RXYLT1: variants seen among roughly 807,000 people sequenced by gnomAD.
RXYLT1 encodes ribitol-5-phosphate xylosyltransferase 1.
Under a neutral mutation model 43.5 loss-of-function variants are expected in RXYLT1, and 41 were observed. That is an observed-to-expected ratio of 0.94 (90% CI 0.73 to 1.22). The LOEUF (loss-of-function observed/expected upper bound fraction) is 1.22. Among genes scored for constraint, RXYLT1 ranks in the 50% most tolerant of loss-of-function variants. RXYLT1 has a pLI of 0.00. For missense variants in RXYLT1, 514 were observed against 532.0 expected, an observed-to-expected ratio of 0.97 and a Z score of 0.33; for synonymous variants, 166 against 194.4, an observed-to-expected ratio of 0.85 and a Z score of 1.21.
intron 2 of RXYLT1, among the ~76,000 whole-genome samples, chr12:63,783,943 A>G (rs939775741): frequency 7.9e-5 from 12 of 152,150 alleles, no homozygotes; most frequent in African/African-American, 2.9e-4. Flanking sequence ...ATGGCCCCAC[A>G]TCACTCTGAC....
intron 5 of RXYLT1, chr12:63,807,485 T>C (rs1898325132): frequency 6.6e-6 from 1 of 152,230 alleles, no homozygotes; most frequent in Non-Finnish European, 1.5e-5. Context: ...TCTTCTCTCC[T>C]ACACTCTAAC....
rs537667368 is a variant in RXYLT1, at chr12:63,780,167, T to C, written c.169+38T>C. 10 of 1,424,542 alleles carry C rather than the reference T, an allele frequency of 7.0e-6. No homozygotes were observed. In the African/African-American group the frequency reaches 1.1e-4, roughly 15 times the overall value. The allele number at this position is 1,424,542 out of a possible 1,614,324, so 88.2% of individuals were successfully genotyped here. On this transcript the variant is annotated intron_variant, in intron 1 of 5. Coordinates refer to ENST00000261234, the MANE Select transcript of RXYLT1 (RefSeq NM_014254.3). ...CGGCGGCTTCCTTCCGGCTCTGCGC[T>C]CCTGGCTGGGGCTGCTGGGCGGCTG...
intron 2 of RXYLT1, chr12:63,782,666 C>G: frequency 2.2e-6 from 1 of 455,664 alleles, no homozygotes; most frequent in East Asian, 7.0e-5. Context: ...GTAATCCCAT[C>G]TCCATTTCTG....
At chr12:63,796,989 A>C (rs1592850264) in intron 3 of RXYLT1, among the ~76,000 whole-genome samples, 2 of 140,524 alleles carry the variant, frequency 1.4e-5, no homozygotes, top group East Asian at 4.1e-4. Context: ...TTTGTGACAG[A>C]GTCTTGCTCT....
Position 63,780,072 on chromosome 12 carries a change from G to C in RXYLT1, c.112G>C (p.Gly38Arg), listed in dbSNP as rs774043601. Residue 38 changes from glycine to arginine, a missense_variant, in exon 1 of 6, where the codon GGG becomes CGG. By Grantham distance (125) the Gly-to-Arg change is moderately radical. Coordinates refer to ENST00000261234, the MANE Select transcript of RXYLT1 (RefSeq NM_014254.3). ...CGGGCGCCGCCGCCAGGCGCCGGCC[G>C]GGTCCCCGCGGGGCCTCAGGAAGGG... Reference protein sequence around the residue: ...FFGRRRQAPAGSPRGLRKGAA... With the variant: ...FFGRRRQAPARSPRGLRKGAA... 6.3e-7 allele frequency: 1 copy of C among 1,598,044 alleles called. No individual in the cohort carries two copies. The highest frequency in any genetic ancestry group is 1.7e-5 in the Admixed American group (1 of 58,940).
intron 3 of RXYLT1, among the ~76,000 whole-genome samples, chr12:63,792,520 C>T (rs925305472): frequency 6.6e-6 from 1 of 152,206 alleles, no homozygotes; most frequent in Non-Finnish European, 1.5e-5. Flanking sequence ...GGGCTTCCAG[C>T]CTGGCAGAGT....
At chr12:63,808,626 CTA>C in intron 5 of RXYLT1, 47 bp from the exon 6 acceptor site, 1 of 1,566,518 alleles carries the variant, frequency 6.4e-7, no homozygotes, top group Non-Finnish European at 8.6e-7. Flanking sequence ...TGTTCACAAA[CTA>C]TATACTTAGT....
In RXYLT1 at chr12:63,808,553, C is replaced by T. The variant is rs951539922; in HGVS notation, c.915-122C>T. ...CCAGGATTTTGGATATCTCTTATGCCTATCATCTCTATAAAGTTTCACCAT... is the reference window on the plus strand; with the variant it reads ...CCAGGATTTTGGATATCTCTTATGCTTATCATCTCTATAAAGTTTCACCAT... On this transcript the variant is annotated intron_variant, in intron 5 of 5. Transcript: ENST00000261234. The T allele has an allele frequency of 3.7e-6, 4 of 1,082,472 alleles. No individual in the cohort carries two copies. In the African/African-American group the frequency reaches 4.9e-5, roughly 13 times the overall value. 67.1% of individuals were successfully genotyped at this position (1,082,472 alleles called of 1,614,324 possible). A position where few individuals can be genotyped will look rare whatever the true frequency, so the allele number is the denominator to read the frequency against.
At chr12:63,797,527 A>G (rs1898062418) in intron 3 of RXYLT1, among the ~76,000 whole-genome samples, 1 of 152,176 alleles carries the variant, frequency 6.6e-6, no homozygotes, top group Admixed American at 6.5e-5. Context: ...ACTTGGGTTT[A>G]TGCATGGAAT....
rs763359789 is a variant in RXYLT1 at position 63,808,811 on chromosome 12, C to T, written c.1051C>T (p.Pro351Ser). 2 of 1,614,042 alleles carry T rather than the reference C, an allele frequency of 1.2e-6. No individual in the cohort carries two copies. The highest frequency in any genetic ancestry group is 1.7e-6 in the Non-Finnish European group (2 of 1,179,998). The change falls in exon 6 of 6, where the codon CCT becomes TCT. Residue 351 changes from proline to serine, a missense_variant. Physicochemically the swap from Pro to Ser is moderately conservative, Grantham distance 74. Coordinates refer to ENST00000261234, the MANE Select transcript of RXYLT1 (RefSeq NM_014254.3). ...TGAGGCTTGCTCCTATGGCTCCATT[C>T]CTGTGGTGGAAGACGTGATGACAGC... ...IYEACSYGSIPVVEDVMTAGN... is the reference protein window; with the variant it reads ...IYEACSYGSISVVEDVMTAGN...
At position 63,809,110 on chromosome 12, in the gene RXYLT1, C is replaced by G. The variant is rs1876465; in HGVS notation, c.*18C>G. 151,584 of 1,452,590 alleles carry G rather than the reference C, an allele frequency of 0.1. 9,356 individuals carry two copies. The highest frequency in any genetic ancestry group is 0.23 in the African/African-American group (16,017 of 68,798). 90.0% of individuals were successfully genotyped at this position (1,452,590 alleles called of 1,614,324 possible). On this transcript the variant is annotated 3_prime_UTR_variant, in exon 6 of 6. Transcript: ENST00000261234. ...AAAGTTAATTATCTTTTTGAGCTAACATGTGATTTTTAAAATCATTTTGAC... is the reference window on the plus strand; with the variant it reads ...AAAGTTAATTATCTTTTTGAGCTAAGATGTGATTTTTAAAATCATTTTGAC...
chr12:63,807,565 CT>C (rs1005196337), intron 5 of RXYLT1: 29 of 148,048 alleles, frequency 2.0e-4, no homozygotes, highest in African/African-American at 2.5e-4. Context: ...AAGCATCTAT[CT>C]TTTTTTTTTT....
intron 3 of RXYLT1, chr12:63,790,463 A>T (rs1312789369): frequency 1.3e-5 from 2 of 152,252 alleles, no homozygotes; most frequent in African/African-American, 4.8e-5. Context: ...ACCTCTGGGC[A>T]GTGTAGCATG....
At position 63,805,350 on chromosome 12, in the gene RXYLT1, A is replaced by G; in HGVS notation, c.860A>G (p.Asn287Ser). 1 of 1,611,414 alleles carries G rather than the reference A, an allele frequency of 6.2e-7. No individual in the cohort carries two copies. Among genetic ancestry groups the G allele is most frequent in the Non-Finnish European group, 8.5e-7 (1 of 1,179,142 alleles). The part of the protein sequence containing the change: ...YENSSRQALM[N>S]ILKKDGNDKL... ...AATTCATCCAGACAGGCACTAATGA[A>G]CATTTTGAAAAAAGATGGGAACGAT... The change falls in exon 5 of 6, where the codon AAC becomes AGC. Residue 287 changes from asparagine to serine, a missense_variant. Transcript: ENST00000261234.
intron 3 of RXYLT1, among the ~76,000 whole-genome samples, chr12:63,794,326 G>T (rs1592848218): frequency 6.6e-6 from 1 of 152,138 alleles, no homozygotes; most frequent in African/African-American, 2.4e-5. Context: ...CACAGTTCTT[G>T]TTCTCAGTTT....
At chr12:63,787,696 C>T (rs2136223479) in intron 3 of RXYLT1, among the ~76,000 whole-genome samples, 2 of 152,140 alleles carry the variant, frequency 1.3e-5, no homozygotes, top group South Asian at 4.2e-4. Flanking sequence ...AGCGTAATCT[C>T]AGCTTCCTGC....
intron 3 of RXYLT1, among the ~76,000 whole-genome samples, chr12:63,800,151 T>C (rs936931307): frequency 1.3e-5 from 2 of 152,214 alleles, no homozygotes; most frequent in Admixed American, 6.5e-5. Context: ...CATGGAGTTA[T>C]GGAAAAACTT....
At chr12:63,790,347 T>C (rs1897895246) in intron 3 of RXYLT1, 1 of 152,168 alleles carries the variant, frequency 6.6e-6, no homozygotes, top group African/African-American at 2.4e-5. Context: ...GACTCCTTTT[T>C]CACCACTGAA....
intron 2 of RXYLT1, among the ~76,000 whole-genome samples, chr12:63,783,929 A>C (rs1308129438): frequency 1.3e-5 from 2 of 151,992 alleles, no homozygotes; most frequent in African/African-American, 2.4e-5. Flanking sequence ...GTATTCCTTC[A>C]TTTATGGCCC....
Sources: gnomAD v4.1 joint callset for allele counts (sites outside exome capture counted in the v4.1 genomes callset) on GRCh38, gnomAD v4.1.1 for gene constraint, MANE v1.5 for transcripts, NCBI Gene and HGNC (gene_info 2026-07-23, HGNC 2026-07-21) for gene names.